Variants in ADAM23 observed in about 807,000 individuals in gnomAD.
The protein encoded by ADAM23 is disintegrin and metalloproteinase domain-containing protein 23.
In ADAM23, 33 loss-of-function variants were observed where a neutral mutation model predicts 120.1. That is an observed-to-expected ratio of 0.27 (90% CI 0.21 to 0.37). ADAM23 has a LOEUF of 0.37. ADAM23 is among the 10% of genes least tolerant of loss of function. The pLI is 1.00. For synonymous variants in ADAM23, 367 were observed against 375.2 expected (o/e 0.98, Z 0.25); for missense variants, 862 against 1,058.2 (o/e 0.81, Z 2.57).
chr2:206,601,772 CA>C (rs35118372), intron 24 of ADAM23, among the ~76,000 whole-genome samples: 8,529 of 81,096 alleles, frequency 0.11, 388 homozygotes, highest in East Asian at 0.26. Flanking sequence ...AGACCCTTCT[CA>C]AAAAAAAAAA....
chr2:206,452,113 T>TA (rs1180635078), intron 2 of ADAM23, among the ~76,000 whole-genome samples: 1 of 152,230 alleles, frequency 6.6e-6, no homozygotes, highest in Non-Finnish European at 1.5e-5. Flanking sequence ...GTAACCCACC[T>TA]ACAGGTAAGA....
chr2:206,601,622 A>G (rs1170848302), intron 24 of ADAM23, among the ~76,000 whole-genome samples: 1 of 152,076 alleles, frequency 6.6e-6, no homozygotes, highest in East Asian at 1.9e-4. Context: ...AAAAATAAAA[A>G]AATTAGCCAG....
intron 3 of ADAM23, among the ~76,000 whole-genome samples, chr2:206,504,915 T>C (rs1696465430): frequency 6.6e-6 from 1 of 152,214 alleles, no homozygotes; most frequent in Non-Finnish European, 1.5e-5. Flanking sequence ...TGTACCTAAA[T>C]ATTTCAGAAT....
chr2:206,461,102 G>C (rs1315908179), intron 2 of ADAM23, among the ~76,000 whole-genome samples: 1 of 121,844 alleles, frequency 8.2e-6, no homozygotes, highest in Non-Finnish European at 1.6e-5. Flanking sequence ...TCCCTCTGTT[G>C]CCCAGGCTGG....
chr2:206,525,088 T>G (rs564649850), intron 3 of ADAM23, among the ~76,000 whole-genome samples: 1 of 152,318 alleles, frequency 6.6e-6, no homozygotes, highest in East Asian at 1.9e-4. Flanking sequence ...CCTGGCACAA[T>G]TATTAATATG....
At chr2:206,532,474 G>T (rs1574517244) in intron 4 of ADAM23, among the ~76,000 whole-genome samples, 1 of 152,184 alleles carries the variant, frequency 6.6e-6, no homozygotes. Flanking sequence ...TCTAGCAAAA[G>T]AAATTGTGTT....
Position 206,617,856 on chromosome 2 carries a change from G to A in ADAM23, c.*229G>A, listed in dbSNP as rs138522475. The A allele has an allele frequency of 9.9e-4, 797 of 808,788 alleles. 3 individuals carry two copies. The African/African-American group carries it at 0.012, about 12-fold the overall frequency. 50.1% of individuals were successfully genotyped at this position (808,788 alleles called of 1,614,324 possible). A position where few individuals can be genotyped will look rare whatever the true frequency, so the allele number is the denominator to read the frequency against. ...TCAGTAAACGGGGGAGGGGGCAAAA[G>A]ACCATGCTATAAAAAGAACTGTTCC... On this transcript the variant is annotated 3_prime_UTR_variant, in exon 26 of 26. Coordinates refer to ENST00000264377, the MANE Select transcript of ADAM23 (RefSeq NM_003812.4).
At chr2:206,517,468 T>G (rs1299148735) in intron 3 of ADAM23, among the ~76,000 whole-genome samples, 2 of 152,160 alleles carry the variant, frequency 1.3e-5, no homozygotes, top group Non-Finnish European at 2.9e-5. Flanking sequence ...CAACAAATGT[T>G]AGAATGCCTA....
chr2:206,610,077 C>T, intron 25 of ADAM23, 77 bp downstream of exon 25: 1 of 1,302,024 alleles, frequency 7.7e-7, no homozygotes, highest in Middle Eastern at 1.9e-4. Context: ...GTTTTGAGTT[C>T]CTGCTACAAG....
At chr2:206,457,400 T>C (rs1695321534) in intron 2 of ADAM23, among the ~76,000 whole-genome samples, 2 of 152,156 alleles carry the variant, frequency 1.3e-5, no homozygotes, top group African/African-American at 4.8e-5. Flanking sequence ...TTTATAGACT[T>C]CCAGTCTCTT....
chr2:206,594,830 G>T lies in ADAM23; in HGVS notation c.2172G>T (p.Lys724Asn), dbSNP rs1698491297. The part of the protein sequence containing the change: ...CGPSMMCLDR[K>N]CLQIQALNMS... ...CGTCTATGATGTGTTTAGATCGGAA[G>T]TGCCTACAAATTCAAGCCCTAAATA... is the stretch of plus-strand genomic sequence containing the variant. The change falls in exon 23 of 26, where the codon AAG becomes AAT. Residue 724 changes from lysine to asparagine, a missense_variant. Transcript: ENST00000264377. 2 of 1,614,214 alleles carry T rather than the reference G, an allele frequency of 1.2e-6. No homozygotes were observed. Among genetic ancestry groups the T allele is most frequent in the South Asian group, 1.1e-5 (1 of 91,088 alleles).
intron 24 of ADAM23, among the ~76,000 whole-genome samples, chr2:206,608,738 G>A (rs976360743): frequency 1.1e-4 from 17 of 152,054 alleles, no homozygotes; most frequent in African/African-American, 3.9e-4. Flanking sequence ...GATGGTCTCC[G>A]AATAAAAACA....
At chr2:206,453,433 A>G (rs1318313146) in intron 2 of ADAM23, among the ~76,000 whole-genome samples, 3 of 152,240 alleles carry the variant, frequency 2.0e-5, no homozygotes, top group Non-Finnish European at 2.9e-5. Context: ...AAGAATGTAT[A>G]CAATTATAAG....
chr2:206,607,728 T>C (rs1248263903), intron 24 of ADAM23, among the ~76,000 whole-genome samples: 1 of 152,224 alleles, frequency 6.6e-6, no homozygotes. Context: ...CTTAGCTTAC[T>C]GATTTTTTTC....
chr2:206,516,019 G>A (rs1397231709), intron 3 of ADAM23, among the ~76,000 whole-genome samples: 2 of 151,814 alleles, frequency 1.3e-5, no homozygotes, highest in Non-Finnish European at 2.9e-5. Context: ...ATTATGAAAT[G>A]TACACATAAA....
intron 2 of ADAM23, among the ~76,000 whole-genome samples, chr2:206,475,188 G>C (rs966900649): frequency 2.6e-5 from 4 of 152,152 alleles, no homozygotes; most frequent in African/African-American, 9.7e-5. Context: ...ACAGTACTTT[G>C]AGATGATTAA....
chr2:206,464,951 C>T (rs1695511283), intron 2 of ADAM23, among the ~76,000 whole-genome samples: 1 of 152,054 alleles, frequency 6.6e-6, no homozygotes, highest in Non-Finnish European at 1.5e-5. Flanking sequence ...CAACTGTTAT[C>T]TTTCTGTCAC....
chr2:206,457,053 T>C (rs2105855460), intron 2 of ADAM23, among the ~76,000 whole-genome samples: 1 of 152,340 alleles, frequency 6.6e-6, no homozygotes, highest in Admixed American at 6.5e-5. Flanking sequence ...TGTGAATCAA[T>C]CAATGCTTAA....
chr2:206,570,765 A>G lies in ADAM23; in HGVS notation c.1520A>G (p.Asn507Ser). The change falls in exon 16 of 26, where the codon AAT becomes AGT. Residue 507 changes from asparagine to serine, a missense_variant. This residue lies in a region of ADAM23 where 617 missense variants were observed against 813.5 expected (regional missense o/e 0.76). Transcript: ENST00000264377. ...TKLFEPTECG[N>S]GYVEAGEECD... ...CTATTTGAGCCCACGGAATGTGGAA[A>G]TGGATACGTGGAAGCTGGGGAGGAG... The G allele has an allele frequency of 6.2e-7, 1 of 1,613,986 alleles. No individual in the cohort carries two copies. Among genetic ancestry groups the G allele is most frequent in the Non-Finnish European group, 8.5e-7 (1 of 1,179,866 alleles).
Sources: gnomAD v4.1 joint callset for allele counts (sites outside exome capture counted in the v4.1 genomes callset) on GRCh38, gnomAD v4.1.1 for gene constraint, gnomAD v4.1.1 regional missense constraint, MANE v1.5 for transcripts, NCBI Gene and HGNC (gene_info 2026-07-23, HGNC 2026-07-21) for gene names.